The following STX5 variants were observed in gnomAD, a reference collection of about 807,000 sequenced individuals.
STX5 encodes syntaxin-5.
In STX5, 15 loss-of-function variants were observed where a neutral mutation model predicts 42.9. The observed-to-expected ratio is 0.35, with a 90% CI of 0.23 to 0.54. The LOEUF (loss-of-function observed/expected upper bound fraction) is 0.54. Ranked by LOEUF, STX5 falls within the 20% of genes least tolerant of loss-of-function variation. The pLI, the probability that STX5 is intolerant of heterozygous loss-of-function variation, is 0.91. For missense variants in STX5, 430 were observed against 455.0 expected, an observed-to-expected ratio of 0.95 and a Z score of 0.50; for synonymous variants, 184 against 173.2, an observed-to-expected ratio of 1.06 and a Z score of -0.49.
intron 10 of STX5, among the ~76,000 whole-genome samples, chr11:62,808,246 C>T (rs2084574625): frequency 6.6e-6 from 1 of 151,286 alleles, no homozygotes; most frequent in South Asian, 2.1e-4. Flanking sequence ...GGCAACATGG[C>T]AAAACCCCAT....
chr11:62,831,782 C>T (rs181960142), intron 1 of STX5, among the ~76,000 whole-genome samples, 172 bp downstream of exon 1: 1 of 150,684 alleles, frequency 6.6e-6, no homozygotes, highest in Non-Finnish European at 1.5e-5. Context: ...CGACGTCTCT[C>T]TCAACAGAGG....
Position 62,825,425 on chromosome 11 carries a change from G to A in STX5, c.538C>T (p.Gln180Ter), listed in dbSNP as rs754137201. ...CTCCCTTCCTCCCCAGGTCCCACCTGCAAGGAGACCACAATGGTGTTGGAG... is the reference window on the plus strand; with the variant it reads ...CTCCCTTCCTCCCCAGGTCCCACCTACAAGGAGACCACAATGGTGTTGGAG... ...THSNTIVVSL[Q>*]SKLASMSNDF... The change falls in exon 6 of 11, where the codon CAG becomes TAG. Residue 180 changes from glutamine to a stop codon, truncating the protein, a stop_gained and splice_region_variant. Coordinates refer to ENST00000294179, the MANE Select transcript of STX5 (RefSeq NM_003164.5). LOFTEE classifies it high-confidence loss of function. 2 of 1,614,138 alleles carry A rather than the reference G, an allele frequency of 1.2e-6. No homozygotes were observed. The highest frequency in any genetic ancestry group is 1.7e-6 in the Non-Finnish European group (2 of 1,180,024).
At chr11:62,808,631 T>C (rs2084580416) in intron 10 of STX5, among the ~76,000 whole-genome samples, 1 of 152,070 alleles carries the variant, frequency 6.6e-6, no homozygotes, top group African/African-American at 2.4e-5. Context: ...TGTGAGTAGA[T>C]TACATGCAAA....
At chr11:62,810,745 G>A in intron 10 of STX5, among the ~76,000 whole-genome samples, 1 of 152,228 alleles carries the variant, frequency 6.6e-6, no homozygotes, top group Non-Finnish European at 1.5e-5. Flanking sequence ...TAGAGCAAGT[G>A]CTGAAACCCA....
chr11:62,827,339 T>C lies in STX5; in HGVS notation c.352+4A>G. 1 of 1,614,140 alleles carries C rather than the reference T, an allele frequency of 6.2e-7. No individual in the cohort carries two copies. The highest frequency in any genetic ancestry group is 8.5e-7 in the Non-Finnish European group (1 of 1,180,030). On this transcript the variant is annotated splice_donor_region_variant and intron_variant, in intron 4 of 10. Coordinates refer to ENST00000294179, the MANE Select transcript of STX5 (RefSeq NM_003164.5). ...CACTTCTGAAAGACCCCAAGAACACTCACAGATTGTCAGCTTCTCCAGCTT... is the reference window on the plus strand; with the variant it reads ...CACTTCTGAAAGACCCCAAGAACACCCACAGATTGTCAGCTTCTCCAGCTT...
intron 10 of STX5, among the ~76,000 whole-genome samples, chr11:62,814,539 C>T (rs1458120544): frequency 2.0e-5 from 3 of 151,630 alleles, no homozygotes; most frequent in African/African-American, 7.3e-5. Flanking sequence ...CTCGGCTCAC[C>T]CAACTTCCGC....
At chr11:62,830,064 CAAAAAAAAAAAA>C (rs764798047) in intron 2 of STX5, among the ~76,000 whole-genome samples, 10 of 53,272 alleles carry the variant, frequency 1.9e-4, no homozygotes, top group Non-Finnish European at 4.3e-4. Context: ...AATTCCTTCT[CAAAAAAAAAAAA>C]AAAAAAAAAA....
At chr11:62,828,014 G>T (rs1243117058) in intron 2 of STX5, among the ~76,000 whole-genome samples, 3 of 149,910 alleles carry the variant, frequency 2.0e-5, no homozygotes, top group Admixed American at 1.4e-4. Context: ...ATCTAGTATT[G>T]CCATTCTATT....
At chr11:62,831,366 G>A (rs1398220312) in intron 1 of STX5, 104 bp from the exon 2 acceptor site, 1 of 864,532 alleles carries the variant, frequency 1.2e-6, no homozygotes, top group East Asian at 2.6e-5. Context: ...CACTTCTCGT[G>A]GACTTTCGCG....
chr11:62,827,051 TA>T, intron 5 of STX5, 103 bp downstream of exon 5: 4 of 1,099,812 alleles, frequency 3.6e-6, no homozygotes, highest in Non-Finnish European at 5.3e-6. Context: ...CCCCCCTCTC[TA>T]AAAAAAGAAA....
At chr11:62,831,863 G>C (rs1461264711) in intron 1 of STX5, 91 bp downstream of exon 1, 4 of 456,018 alleles carry the variant, frequency 8.8e-6, no homozygotes, top group Non-Finnish European at 1.8e-5. Context: ...GCTCGCCCCT[G>C]ATTCCCTTCC....
rs758457312 is a variant in STX5, at chr11:62,831,110, A to C, written c.134T>G (p.Val45Gly). Residue 45 changes from valine to glycine, a missense_variant, in exon 2 of 11, where the codon GTG becomes GGG. Coordinates refer to ENST00000294179, the MANE Select transcript of STX5 (RefSeq NM_003164.5). ...GTCGGGAGGGGGAGGGACGAGGGTC[A>C]CTGGGGGGGGCAGAGGGGCGATGTC... is the stretch of plus-strand genomic sequence containing the variant. The part of the protein sequence containing the change: ...SSDIAPLPPP[V>G]TLVPPPPDTM... 36 of 1,532,770 alleles carry C rather than the reference A, an allele frequency of 2.3e-5. No individual in the cohort carries two copies. The highest frequency in any genetic ancestry group is 2.4e-5 in the East Asian group (1 of 41,438). 94.9% of individuals were successfully genotyped at this position (1,532,770 alleles called of 1,614,324 possible). A position where few individuals can be genotyped will look rare whatever the true frequency, so the allele number is the denominator to read the frequency against.
chr11:62,831,916 G>A, intron 1 of STX5, 38 bp downstream of exon 1: 1 of 457,238 alleles, frequency 2.2e-6, no homozygotes, highest in South Asian at 1.5e-5. Context: ...CCCCAGAGCT[G>A]ACACGGCGGC....
At chr11:62,825,769 C>A (rs552385079) in intron 5 of STX5, among the ~76,000 whole-genome samples, 67 of 152,274 alleles carry the variant, frequency 4.4e-4, no homozygotes, top group Admixed American at 1.0e-3. Flanking sequence ...AGGCCTTCAT[C>A]CATTGTAAAT....
At chr11:62,815,111 G>A (rs11608108) in intron 10 of STX5, among the ~76,000 whole-genome samples, 5 of 151,242 alleles carry the variant, frequency 3.3e-5, no homozygotes, top group African/African-American at 1.2e-4. Context: ...AGGTTCAAGC[G>A]ATTCTCCTGC....
At position 62,827,247 on chromosome 11, in the gene STX5, C is replaced by T. The variant is rs200735748; in HGVS notation, c.353-22G>A. On this transcript the variant is annotated intron_variant, in intron 4 of 10. Coordinates refer to ENST00000294179, the MANE Select transcript of STX5 (RefSeq NM_003164.5). ...GCCACTACAGAGACAAACAAGAAGC[C>T]ACAATGGGTGAGGTCAAGGACAAAG... 8.6e-5 allele frequency: 139 copies of T among 1,614,090 alleles called. No homozygotes were observed. The African/African-American group carries it at 1.7e-3, about 20-fold the overall frequency.
chr11:62,812,576 A>C (rs1196088394), intron 10 of STX5, among the ~76,000 whole-genome samples: 1 of 150,726 alleles, frequency 6.6e-6, no homozygotes, highest in East Asian at 2.0e-4. Flanking sequence ...CGGTCACCAC[A>C]CCCGGCTAAT....
rs563626793 is a variant in STX5, at chr11:62,817,008, A to T, written c.908+7158T>A. On this transcript the variant is annotated intron_variant, in intron 10 of 10. Coordinates refer to ENST00000294179, the MANE Select transcript of STX5 (RefSeq NM_003164.5). ...GAGACAGAGTCTTGCTCTGTCACTC[A>T]GGCTGGAGTGCAGTGGCGGGATCTC... Among the ~76,000 whole-genome samples, 7 of 151,716 alleles carry T rather than the reference A, an allele frequency of 4.6e-5. No individual in the cohort carries two copies. In the East Asian group the frequency reaches 1.4e-3, roughly 30 times the overall value.
At chr11:62,831,378 C>T in intron 1 of STX5, 116 bp from the exon 2 acceptor site, 1 of 799,448 alleles carries the variant, frequency 1.3e-6, no homozygotes, top group Non-Finnish European at 2.1e-6. Context: ...ACTTTCGCGC[C>T]CAGGACGCTC....
Sources: allele counts gnomAD v4.1 joint callset (sites outside exome capture counted in the v4.1 genomes callset), GRCh38; gene constraint gnomAD v4.1.1; transcripts MANE v1.5; gene names NCBI Gene and HGNC (gene_info 2026-07-23, HGNC 2026-07-21).